SH3RF1: variants seen among roughly 807,000 people sequenced by gnomAD.
SH3RF1 encodes E3 ubiquitin-protein ligase SH3RF1.
SH3RF1 carries 32 observed loss-of-function variants against 74.0 expected under a neutral mutation model. The ratio of observed to expected loss-of-function variants is 0.43; its 90% confidence interval spans 0.33 to 0.58. The LOEUF (loss-of-function observed/expected upper bound fraction) is 0.58, where lower values mean the gene tolerates loss of function less well. Ranked by LOEUF, SH3RF1 falls within the 20% of genes least tolerant of loss-of-function variation. The probability of loss-of-function intolerance (pLI) is 0.05; values close to 1 mark genes in which losing one functional copy is unlikely to be tolerated. For synonymous variants in SH3RF1, 396 were observed against 439.6 expected (o/e 0.90, Z 1.24); for missense variants, 954 against 1,130.9 (o/e 0.84, Z 2.24).
At chr4:169,224,285 A>G (rs1302801796) in intron 2 of SH3RF1, among the ~76,000 whole-genome samples, 1 of 151,198 alleles carries the variant, frequency 6.6e-6, no homozygotes, top group African/African-American at 2.4e-5. Context: ...GAAATGGCAT[A>G]TTGCCTATTT....
In SH3RF1 at chr4:169,209,277, A is replaced by T. The variant is rs530859062; in HGVS notation, c.394-52598T>A. Among the ~76,000 whole-genome samples the T allele has an allele frequency of 2.6e-5, 4 of 151,862 alleles. No individual in the cohort carries two copies. In the East Asian group the frequency reaches 7.8e-4, roughly 29 times the overall value. ...GCACTCCAGCCTGAGTGACAGAACA[A>T]GACCCTGTCCGAAAAAAAAAAAAAA... On this transcript the variant is annotated intron_variant, in intron 2 of 11. Coordinates refer to ENST00000284637, the MANE Select transcript of SH3RF1 (RefSeq NM_020870.4).
At chr4:169,181,583 A>C (rs1008561770) in intron 2 of SH3RF1, among the ~76,000 whole-genome samples, 1 of 151,932 alleles carries the variant, frequency 6.6e-6, no homozygotes, top group African/African-American at 2.4e-5. Flanking sequence ...TTAAGTCCTC[A>C]CTCCTGAAGG....
Position 169,117,563 on chromosome 4 carries a change from C to A in SH3RF1, c.1737G>T (p.Gly579=). Residue 579 remains glycine (G), a synonymous_variant, in exon 9 of 12, where the codon GGG becomes GGT. Transcript: ENST00000284637. The part of the protein sequence containing the change: ...PQAKVLLHMT[G]QMTVNQARNA... ...TGCGGGCCTGGTTGACTGTCATTTGCCCCGTCATGTGCAACAAGACCTTAG... is the reference window on the plus strand; with the variant it reads ...TGCGGGCCTGGTTGACTGTCATTTGACCCGTCATGTGCAACAAGACCTTAG... The A allele has an allele frequency of 6.2e-7, 1 of 1,614,250 alleles. No homozygotes were observed. The highest frequency in any genetic ancestry group is 8.5e-7 in the Non-Finnish European group (1 of 1,180,062).
chr4:169,198,354 T>TA (rs1469161076), intron 2 of SH3RF1, among the ~76,000 whole-genome samples: 1 of 151,862 alleles, frequency 6.6e-6, no homozygotes, highest in African/African-American at 2.4e-5. Context: ...AGTCTACAAA[T>TA]AGAGTGTTAA....
chr4:169,128,037 G>C (rs1207460523), intron 6 of SH3RF1, among the ~76,000 whole-genome samples: 1 of 152,086 alleles, frequency 6.6e-6, no homozygotes, highest in African/African-American at 2.4e-5. Flanking sequence ...TTTCAGATTT[G>C]GGAGCATTTT....
intron 10 of SH3RF1, 33 bp downstream of exon 10, chr4:169,116,236 A>T (rs761062176): frequency 8.4e-6 from 13 of 1,553,972 alleles, no homozygotes; most frequent in Non-Finnish European, 1.0e-5. Context: ...GAAGTAAGTA[A>T]AGCAGAGAAA....
chr4:169,258,285 C>G (rs1305242352), intron 2 of SH3RF1, among the ~76,000 whole-genome samples: 2 of 152,180 alleles, frequency 1.3e-5, no homozygotes, highest in East Asian at 3.8e-4. Context: ...AGACCCAGTA[C>G]TTTTCTGCTG....
chr4:169,188,629 G>A (rs1734650647), intron 2 of SH3RF1, among the ~76,000 whole-genome samples: 1 of 152,126 alleles, frequency 6.6e-6, no homozygotes, highest in Admixed American at 6.5e-5. Context: ...CTGAAAATCT[G>A]ACAGGAAAAA....
chr4:169,104,105 G>GGAA (rs1561024334), intron 11 of SH3RF1, among the ~76,000 whole-genome samples: 1 of 152,178 alleles, frequency 6.6e-6, no homozygotes, highest in Admixed American at 6.5e-5. Context: ...TGCAGAAGCC[G>GGAA]TAGAGACTGA....
At chr4:169,124,966 C>A (rs944593587) in intron 6 of SH3RF1, among the ~76,000 whole-genome samples, 9 of 151,416 alleles carry the variant, frequency 5.9e-5, no homozygotes, top group African/African-American at 2.2e-4. Flanking sequence ...GCCCAGGCAC[C>A]AGAGGCCAAG....
At chr4:169,206,839 T>C (rs1008771388) in intron 2 of SH3RF1, among the ~76,000 whole-genome samples, 1 of 152,184 alleles carries the variant, frequency 6.6e-6, no homozygotes, top group Non-Finnish European at 1.5e-5. Context: ...AATTATCTAT[T>C]ATAAAAAGAA....
chr4:169,246,166 A>G (rs1042977913), intron 2 of SH3RF1, among the ~76,000 whole-genome samples: 4 of 152,208 alleles, frequency 2.6e-5, no homozygotes, highest in Non-Finnish European at 4.4e-5. Flanking sequence ...GCAAGGTGTT[A>G]CTTCGTCAAG....
chr4:169,242,367 C>T (rs531437433), intron 2 of SH3RF1, among the ~76,000 whole-genome samples: 4 of 152,254 alleles, frequency 2.6e-5, no homozygotes, highest in South Asian at 2.1e-4. Flanking sequence ...AATGAAATAT[C>T]GCTTCTAAAA....
intron 2 of SH3RF1, among the ~76,000 whole-genome samples, chr4:169,182,398 ATAAT>A (rs1255100237): frequency 2.0e-5 from 3 of 152,222 alleles, no homozygotes; most frequent in Non-Finnish European, 4.4e-5. Flanking sequence ...CAGCACATAT[ATAAT>A]TAAGAATGCC....
At chr4:169,252,807 C>G (rs1479932730) in intron 2 of SH3RF1, among the ~76,000 whole-genome samples, 1 of 152,148 alleles carries the variant, frequency 6.6e-6, no homozygotes, top group Non-Finnish European at 1.5e-5. Flanking sequence ...ACATATATCA[C>G]TGAACATAAG....
At chr4:169,163,113 A>G (rs1018574957) in intron 2 of SH3RF1, among the ~76,000 whole-genome samples, 1 of 148,278 alleles carries the variant, frequency 6.7e-6, no homozygotes, top group African/African-American at 2.5e-5. Flanking sequence ...AAAAAAAAAA[A>G]CAAACTAGAG....
chr4:169,253,715 T>C (rs1236631836), intron 2 of SH3RF1, among the ~76,000 whole-genome samples: 1 of 152,158 alleles, frequency 6.6e-6, no homozygotes, highest in Non-Finnish European at 1.5e-5. Context: ...AAAGAAGCCA[T>C]TATACATGTA....
intron 2 of SH3RF1, among the ~76,000 whole-genome samples, chr4:169,249,244 A>G (rs902573002): frequency 6.8e-5 from 10 of 147,476 alleles, no homozygotes; most frequent in African/African-American, 1.4e-4. Flanking sequence ...AGAAAAAAGA[A>G]AAAAAAAGAG....
intron 2 of SH3RF1, among the ~76,000 whole-genome samples, chr4:169,232,271 G>A (rs1730756376): frequency 6.6e-6 from 1 of 152,194 alleles, no homozygotes; most frequent in South Asian, 2.1e-4. Flanking sequence ...CCACATTTGG[G>A]AAAGACCGCC....
Sources: gnomAD v4.1 joint callset for allele counts (sites outside exome capture counted in the v4.1 genomes callset) on GRCh38, gnomAD v4.1.1 for gene constraint, MANE v1.5 for transcripts, NCBI Gene and HGNC (gene_info 2026-07-23, HGNC 2026-07-21) for gene names.